ALMS1: variants seen among roughly 807,000 people sequenced by gnomAD.
The protein encoded by ALMS1 is centrosome-associated protein ALMS1.
Under a neutral mutation model 352.2 loss-of-function variants are expected in ALMS1, and 271 were observed. The ratio of observed to expected loss-of-function variants is 0.77; its 90% confidence interval spans 0.70 to 0.85. ALMS1 has a LOEUF of 0.85. ALMS1 is among the 40% of genes least tolerant of loss of function. The pLI, the probability that ALMS1 is intolerant of heterozygous loss-of-function variation, is 0.00. For missense variants in ALMS1, 5,445 were observed against 4,870.7 expected (o/e 1.12, Z -3.51); for synonymous variants, 1,865 against 1,761.2 (o/e 1.06, Z -1.48).
At chr2:73,420,057 C>T (rs972179156) in intron 3 of ALMS1, among the ~76,000 whole-genome samples, 2 of 152,034 alleles carry the variant, frequency 1.3e-5, no homozygotes, top group Admixed American at 1.3e-4. Flanking sequence ...GAAAGGTTGA[C>T]AAAATTAGAG....
intron 10 of ALMS1, among the ~76,000 whole-genome samples, chr2:73,517,726 C>T (rs1008917288): frequency 2.6e-5 from 4 of 151,718 alleles, no homozygotes; most frequent in South Asian, 4.2e-4. Context: ...GGCGCAATCT[C>T]GGTTCATTGC....
At chr2:73,604,441 A>T (rs1223848071) in intron 21 of ALMS1, among the ~76,000 whole-genome samples, 9 of 152,202 alleles carry the variant, frequency 5.9e-5, no homozygotes, top group Non-Finnish European at 1.3e-4. Flanking sequence ...TTCATTTCAG[A>T]TATTCATATA....
intron 9 of ALMS1, among the ~76,000 whole-genome samples, chr2:73,479,621 A>G (rs563785139): frequency 6.6e-6 from 1 of 152,296 alleles, no homozygotes; most frequent in Non-Finnish European, 1.5e-5. Context: ...AATATTCACT[A>G]TTGAAGGACA....
At chr2:73,524,698 C>T (rs1188898194) in intron 11 of ALMS1, among the ~76,000 whole-genome samples, 1 of 152,160 alleles carries the variant, frequency 6.6e-6, no homozygotes, top group Non-Finnish European at 1.5e-5. Context: ...AGTGATCTGC[C>T]TGCATTGGCC....
chr2:73,421,526 G>A (rs1335736019), intron 3 of ALMS1, among the ~76,000 whole-genome samples: 3 of 152,100 alleles, frequency 2.0e-5, no homozygotes, highest in Admixed American at 6.6e-5. Context: ...GGTGGCAAAG[G>A]TTATTGTTAC....
chr2:73,546,842 T>C (rs566225653), intron 12 of ALMS1, among the ~76,000 whole-genome samples: 5 of 152,236 alleles, frequency 3.3e-5, no homozygotes, highest in Admixed American at 1.3e-4. Flanking sequence ...AAAGATCTGA[T>C]TGGTTTTTGT....
intron 1 of ALMS1, 39 bp from the exon 2 acceptor site, chr2:73,408,583 T>C (rs775723849): frequency 3.7e-6 from 6 of 1,602,052 alleles, no homozygotes; most frequent in Non-Finnish European, 4.3e-6. Flanking sequence ...TCATAGTGAT[T>C]GTGTTATTAC....
intron 16 of ALMS1, among the ~76,000 whole-genome samples, chr2:73,585,392 CTTTTTTTTTTT>C: frequency 8.2e-6 from 1 of 122,558 alleles, no homozygotes; most frequent in East Asian, 2.1e-4. Context: ...TGATGATGAG[CTTTTTTTTTTT>C]TTTTTTTTGA....
At chr2:73,483,538 A>T (rs1415949750) in intron 9 of ALMS1, among the ~76,000 whole-genome samples, 1 of 151,556 alleles carries the variant, frequency 6.6e-6, no homozygotes, top group Non-Finnish European at 1.5e-5. Flanking sequence ...GCTGAAAAAA[A>T]TGTATATTCT....
At chr2:73,467,369 A>G (rs189141623) in intron 9 of ALMS1, among the ~76,000 whole-genome samples, 4 of 152,240 alleles carry the variant, frequency 2.6e-5, no homozygotes, top group East Asian at 1.9e-4. Flanking sequence ...AACATTGTCA[A>G]TATCACTGCC....
rs1674568857 is a variant in ALMS1, at chr2:73,557,358, G to A, written c.10213+4G>A. 2 of 1,614,076 alleles carry A rather than the reference G, an allele frequency of 1.2e-6. No homozygotes were observed. The highest frequency in any genetic ancestry group is 1.7e-6 in the Non-Finnish European group (2 of 1,179,964). ...TCTTTGCAGAAAGATACTGCAGGTA[G>A]CTAAACTGGATTGTCTGCGTATTAT... is the stretch of plus-strand genomic sequence containing the variant. On this transcript the variant is annotated splice_donor_region_variant and intron_variant, in intron 14 of 22. Transcript: ENST00000613296.
At chr2:73,466,285 C>G (rs988109045) in intron 9 of ALMS1, among the ~76,000 whole-genome samples, 1 of 151,884 alleles carries the variant, frequency 6.6e-6, no homozygotes, top group Non-Finnish European at 1.5e-5. Flanking sequence ...ACATATACAC[C>G]ATGGAATACT....
At position 73,450,299 on chromosome 2, in the gene ALMS1, C is replaced by A; in HGVS notation, c.3772C>A (p.Pro1258Thr). 6.2e-7 allele frequency: 1 copy of A among 1,613,640 alleles called. No homozygotes were observed. The highest frequency in any genetic ancestry group is 8.5e-7 in the Non-Finnish European group (1 of 1,179,904). Residue 1258 changes from proline to threonine, a missense_variant, in exon 8 of 23, where the codon CCA (proline) becomes ACA (threonine). Physicochemically the swap from Pro to Thr is conservative, Grantham distance 38 (BLOSUM62 -1). Transcript: ENST00000613296. ...CCAACAGGTCTTGCCAGATAATCAT[C>A]CAACTGAAGAGGCTCTGAAAATTTC... ...FYQQVLPDNH[P>T]TEEALKISVA... is the part of the protein sequence containing the mutation.
chr2:73,449,996 C>A lies in ALMS1; in HGVS notation c.3469C>A (p.Gln1157Lys). 6.2e-7 allele frequency: 1 copy of A among 1,614,008 alleles called. No homozygotes were observed. Among genetic ancestry groups the A allele is most frequent in the East Asian group, 2.2e-5 (1 of 44,864 alleles). ...HREKPSIFHQ[Q>K]ALPGTHIPEE... The stretch of plus-strand genomic sequence containing the variant: ...AGAAAAGCCCAGCATTTTCCACCAG[C>A]AGGCCTTGCCAGGTACTCATATACC... The change falls in exon 8 of 23, where the codon CAG becomes AAG. Residue 1157 changes from glutamine to lysine, a missense_variant. Gln to Lys is a moderately conservative substitution (Grantham distance 53). Coordinates refer to ENST00000613296, the MANE Select transcript of ALMS1 (RefSeq NM_001378454.1).
chr2:73,422,249 C>T (rs547101296), intron 3 of ALMS1, among the ~76,000 whole-genome samples: 1 of 152,158 alleles, frequency 6.6e-6, no homozygotes, highest in South Asian at 2.1e-4. Context: ...ATGTCTGTTT[C>T]TGTATTCAAT....
intron 9 of ALMS1, among the ~76,000 whole-genome samples, chr2:73,488,997 G>T (rs982111852): frequency 2.0e-5 from 3 of 152,110 alleles, no homozygotes; most frequent in South Asian, 2.1e-4. Context: ...TCACGTCATT[G>T]TTCATGTTAG....
chr2:73,549,768 T>C (rs1245128430), intron 12 of ALMS1, among the ~76,000 whole-genome samples: 2 of 152,234 alleles, frequency 1.3e-5, no homozygotes, highest in Non-Finnish European at 2.9e-5. Context: ...TATTAGAATT[T>C]ATTTTACATG....
Position 73,453,566 on chromosome 2 carries a change from G to A in ALMS1, c.7039G>A (p.Gly2347Ser). Residue 2347 changes from glycine to serine, a missense_variant, in exon 8 of 23, where the codon GGC (glycine) becomes AGC (serine). By Grantham distance (56) the Gly-to-Ser change is moderately conservative. Coordinates refer to ENST00000613296, the MANE Select transcript of ALMS1 (RefSeq NM_001378454.1). ...GTQTNLKCRR[G>S]IENWEFISST... ...ACAGACGAATTTGAAATGCCGGAGA[G>A]GCATTGAAAATTGGGAGTTTATTAG... 2 of 1,613,864 alleles carry A rather than the reference G, an allele frequency of 1.2e-6. No individual in the cohort carries two copies. The highest frequency in any genetic ancestry group is 2.2e-5 in the East Asian group (1 of 44,852).
chr2:73,399,559 T>C (rs775471386), intron 1 of ALMS1, among the ~76,000 whole-genome samples: 54 of 151,800 alleles, frequency 3.6e-4, no homozygotes, highest in Non-Finnish European at 5.4e-4. Context: ...GAGCGCTCAC[T>C]TATCACTAAG....
Sources: allele counts gnomAD v4.1 joint callset (sites outside exome capture counted in the v4.1 genomes callset), GRCh38; gene constraint gnomAD v4.1.1; transcripts MANE v1.5; gene names NCBI Gene and HGNC (gene_info 2026-07-23, HGNC 2026-07-21).